The following NT5DC3 variants were observed in gnomAD, a reference collection of about 807,000 sequenced individuals.
NT5DC3 encodes 5'-nucleotidase domain-containing protein 3.
NT5DC3 carries 42 observed loss-of-function variants against 67.8 expected under a neutral mutation model. The ratio of observed to expected loss-of-function variants is 0.62; its 90% CI spans 0.48 to 0.80. NT5DC3 has a LOEUF of 0.80. NT5DC3 is among the 30% of genes least tolerant of loss of function. The probability of loss-of-function intolerance (pLI) is 0.00; values close to 1 mark genes in which losing one functional copy is unlikely to be tolerated. For synonymous variants in NT5DC3, 237 were observed against 255.6 expected (o/e 0.93, Z 0.69); for missense variants, 570 against 696.4 (o/e 0.82, Z 2.04).
chr12:103,811,706 G>A (rs1172169932), intron 2 of NT5DC3, among the ~76,000 whole-genome samples: 7 of 152,202 alleles, frequency 4.6e-5, no homozygotes, highest in Admixed American at 2.6e-4. Context: ...ATGGACTTCA[G>A]TGAATAATAA....
chr12:103,840,416 A>G (rs1888351381), intron 1 of NT5DC3, among the ~76,000 whole-genome samples: 3 of 146,000 alleles, frequency 2.1e-5, no homozygotes, highest in African/African-American at 5.1e-5. Flanking sequence ...ATCTCATCTC[A>G]TCTCATTCCA....
intron 1 of NT5DC3, among the ~76,000 whole-genome samples, chr12:103,816,051 A>G (rs1887237499): frequency 6.6e-6 from 1 of 152,150 alleles, no homozygotes; most frequent in African/African-American, 2.4e-5. Flanking sequence ...GTTTGCATTG[A>G]GCTCACTAAA....
At chr12:103,824,074 T>A (rs1337733477) in intron 1 of NT5DC3, among the ~76,000 whole-genome samples, 1 of 152,240 alleles carries the variant, frequency 6.6e-6, no homozygotes, top group Non-Finnish European at 1.5e-5. Flanking sequence ...CACATTTGTT[T>A]ATGTTTTGGT....
the NT5DC3 span, among the ~76,000 whole-genome samples, chr12:103,748,071 C>A: frequency 2.4e-4 from 37 of 151,678 alleles, no homozygotes; most frequent in Admixed American, 8.5e-4. Flanking sequence ...GCAGTCTCAG[C>A]CACATGTACT....
intron 7 of NT5DC3, 56 bp from the exon 8 acceptor site, chr12:103,793,568 A>G (rs1886163484): frequency 1.6e-6 from 2 of 1,286,832 alleles, no homozygotes; most frequent in Non-Finnish European, 2.2e-6. Context: ...GTCAATCTGC[A>G]AGTACTTTCT....
At chr12:103,803,906 A>C (rs943140965) in intron 4 of NT5DC3, among the ~76,000 whole-genome samples, 7 of 145,926 alleles carry the variant, frequency 4.8e-5, no homozygotes, top group Non-Finnish European at 9.0e-5. Context: ...TATCCCTTGT[A>C]CCTTAAGAAA....
chr12:103,760,642 G>C, the NT5DC3 span, among the ~76,000 whole-genome samples: 3 of 152,166 alleles, frequency 2.0e-5, no homozygotes, highest in Non-Finnish European at 4.4e-5. Context: ...AGATGACCGT[G>C]GGGGTAGCGG....
At chr12:103,814,276 A>G (rs948728108) in intron 2 of NT5DC3, among the ~76,000 whole-genome samples, 6 of 152,186 alleles carry the variant, frequency 3.9e-5, no homozygotes, top group African/African-American at 1.2e-4. Flanking sequence ...TGTTCAACCC[A>G]TGGAAGAACT....
At chr12:103,820,229 C>T (rs1039825720) in intron 1 of NT5DC3, among the ~76,000 whole-genome samples, 5 of 152,198 alleles carry the variant, frequency 3.3e-5, no homozygotes, top group African/African-American at 1.2e-4. Flanking sequence ...CTGTTCAAAT[C>T]CTCGTTTCCA....
chr12:103,833,013 C>T (rs923102416), intron 1 of NT5DC3, among the ~76,000 whole-genome samples: 3 of 152,116 alleles, frequency 2.0e-5, no homozygotes, highest in Non-Finnish European at 2.9e-5. Flanking sequence ...ATCCCTGCTG[C>T]GTAGAAAAAG....
chr12:103,797,762 G>C (rs11111789), intron 5 of NT5DC3, among the ~76,000 whole-genome samples: 41,491 of 151,928 alleles, frequency 0.27, 6,192 homozygotes, highest in East Asian at 0.61. Context: ...GCTTAAAAAA[G>C]AGCCCTTCTC....
chr12:103,807,735 C>T (rs894838097), intron 2 of NT5DC3, among the ~76,000 whole-genome samples: 8 of 152,194 alleles, frequency 5.3e-5, no homozygotes, highest in Admixed American at 1.3e-4. Flanking sequence ...ATAATTCCCA[C>T]GTGTTGTGGG....
intron 1 of NT5DC3, among the ~76,000 whole-genome samples, chr12:103,838,201 C>T (rs942930234): frequency 2.0e-5 from 3 of 152,332 alleles, no homozygotes; most frequent in Admixed American, 6.5e-5. Flanking sequence ...AATTCAATTA[C>T]CTCCCCCTGG....
the NT5DC3 span, among the ~76,000 whole-genome samples, chr12:103,749,551 CG>C: frequency 6.6e-6 from 1 of 151,764 alleles, no homozygotes; most frequent in African/African-American, 2.4e-5. Flanking sequence ...AAAAGCTGGC[CG>C]GGCACGGTGG....
At chr12:103,759,026 G>A in the NT5DC3 span, 9 of 1,579,404 alleles carry the variant, frequency 5.7e-6, no homozygotes, top group Non-Finnish European at 7.8e-6. Flanking sequence ...ATGGAGGCAG[G>A]AAAGCCTAGG....
chr12:103,804,789 C>T (rs7967788), intron 4 of NT5DC3, among the ~76,000 whole-genome samples: 2,939 of 152,326 alleles, frequency 0.019, 97 homozygotes, highest in African/African-American at 0.067. Flanking sequence ...CAGTGGCTCA[C>T]GCCTATAATC....
chr12:103,757,715 G>A, the NT5DC3 span, among the ~76,000 whole-genome samples: 1 of 152,250 alleles, frequency 6.6e-6, no homozygotes, highest in Non-Finnish European at 1.5e-5. Context: ...TGCCAGGCAA[G>A]TCTGAGGAAG....
chr12:103,793,035 G>A (rs556511663), intron 9 of NT5DC3, 129 bp downstream of exon 9: 10 of 714,424 alleles, frequency 1.4e-5, no homozygotes, highest in East Asian at 2.5e-5. Flanking sequence ...TTGCTAGAAG[G>A]GTTAAAATTC....
At chr12:103,797,888 T>C (rs1035501230) in intron 5 of NT5DC3, among the ~76,000 whole-genome samples, 11 of 152,238 alleles carry the variant, frequency 7.2e-5, no homozygotes, top group Non-Finnish European at 1.2e-4. Context: ...TGGCTCAGCC[T>C]AGCCTATCTT....
Sources: allele counts gnomAD v4.1 joint callset (sites outside exome capture counted in the v4.1 genomes callset), GRCh38; gene constraint gnomAD v4.1.1; transcripts MANE v1.5; gene names NCBI Gene and HGNC (gene_info 2026-07-23, HGNC 2026-07-21).